The following LRBA variants were observed in gnomAD, a reference collection of about 807,000 sequenced individuals.
LRBA encodes lipopolysaccharide-responsive and beige-like anchor protein.
Under a neutral mutation model 330.0 loss-of-function variants are expected in LRBA, and 176 were observed. The ratio of observed to expected loss-of-function variants is 0.53; its 90% CI spans 0.47 to 0.60. LRBA has a LOEUF of 0.60. Among genes scored for constraint, LRBA ranks in the 20% least tolerant of loss-of-function variants. LRBA has a pLI of 0.00. For missense variants in LRBA, 3,259 were observed against 3,444.8 expected (o/e 0.95, Z 1.35); for synonymous variants, 1,230 against 1,193.0 (o/e 1.03, Z -0.64).
intron 44 of LRBA, among the ~76,000 whole-genome samples, chr4:150,461,353 A>G (rs180786435): frequency 1.3e-5 from 2 of 152,002 alleles, no homozygotes; most frequent in Admixed American, 6.6e-5. Context: ...ACACATGTAC[A>G]TACACTCAAA....
chr4:150,537,550 A>G (rs1178765356), intron 40 of LRBA, among the ~76,000 whole-genome samples: 1 of 152,226 alleles, frequency 6.6e-6, no homozygotes, highest in Non-Finnish European at 1.5e-5. Flanking sequence ...CAGACAACCC[A>G]TGGAATGGGA....
chr4:150,483,351 G>C (rs1350238038), intron 42 of LRBA, among the ~76,000 whole-genome samples: 1 of 151,826 alleles, frequency 6.6e-6, no homozygotes, highest in Non-Finnish European at 1.5e-5. Context: ...GTTTATATGA[G>C]TCTATCCTTA....
intron 30 of LRBA, among the ~76,000 whole-genome samples, chr4:150,818,516 T>C (rs1443536732): frequency 3.4e-5 from 5 of 147,074 alleles, no homozygotes; most frequent in Admixed American, 1.4e-4. Flanking sequence ...TAAGGGGGAG[T>C]AGATATGACG....
At chr4:151,010,642 A>T (rs1046595554) in intron 2 of LRBA, among the ~76,000 whole-genome samples, 7 of 151,656 alleles carry the variant, frequency 4.6e-5, no homozygotes, top group South Asian at 4.2e-4. Context: ...GCACTTTGGG[A>T]AGGCCAAGGC....
At chr4:150,985,568 G>A (rs1226027709) in intron 2 of LRBA, among the ~76,000 whole-genome samples, 1 of 150,696 alleles carries the variant, frequency 6.6e-6, no homozygotes, top group African/African-American at 2.4e-5. Context: ...GCACCATCTC[G>A]GCTCACTGCA....
intron 36 of LRBA, among the ~76,000 whole-genome samples, chr4:150,718,273 T>C (rs1350167556): frequency 6.6e-6 from 1 of 152,194 alleles, no homozygotes; most frequent in Non-Finnish European, 1.5e-5. Flanking sequence ...ATCTACACTG[T>C]CATCAATCCT....
At chr4:150,571,261 T>C (rs1229441700) in intron 40 of LRBA, among the ~76,000 whole-genome samples, 1 of 151,948 alleles carries the variant, frequency 6.6e-6, no homozygotes, top group Non-Finnish European at 1.5e-5. Context: ...ACCTATAATA[T>C]AGCTAATGAT....
chr4:150,760,069 G>A (rs1158433379), intron 35 of LRBA, among the ~76,000 whole-genome samples: 3 of 152,072 alleles, frequency 2.0e-5, no homozygotes, highest in Non-Finnish European at 4.4e-5. Context: ...TAAAAAATCT[G>A]TTCATGGGTG....
intron 22 of LRBA, among the ~76,000 whole-genome samples, chr4:150,866,972 G>A (rs186273320): frequency 2.0e-5 from 3 of 151,570 alleles, no homozygotes; most frequent in East Asian, 1.9e-4. Context: ...TGGTGTTGGG[G>A]GTCAGGCGAA....
At chr4:150,703,696 T>C (rs1785332595) in intron 36 of LRBA, among the ~76,000 whole-genome samples, 1 of 152,158 alleles carries the variant, frequency 6.6e-6, no homozygotes, top group African/African-American at 2.4e-5. Flanking sequence ...CGATTTCTCC[T>C]ACATGATTGT....
At chr4:150,781,955 G>A (rs1738297171) in intron 34 of LRBA, among the ~76,000 whole-genome samples, 1 of 151,994 alleles carries the variant, frequency 6.6e-6, no homozygotes, top group Non-Finnish European at 1.5e-5. Flanking sequence ...GTCACTCACT[G>A]AAATGCAGCG....
intron 36 of LRBA, among the ~76,000 whole-genome samples, chr4:150,732,415 A>G (rs1371842531): frequency 6.6e-6 from 1 of 152,030 alleles, no homozygotes; most frequent in Admixed American, 6.5e-5. Flanking sequence ...TGTTAACAAT[A>G]CAAAAGAACA....
At chr4:150,546,747 T>C (rs1233405786) in intron 40 of LRBA, among the ~76,000 whole-genome samples, 1 of 152,204 alleles carries the variant, frequency 6.6e-6, no homozygotes, top group Non-Finnish European at 1.5e-5. Context: ...AAAATGACGA[T>C]TAGTTGTTTC....
At chr4:150,632,518 T>C (rs1453324453) in intron 37 of LRBA, among the ~76,000 whole-genome samples, 2 of 152,134 alleles carry the variant, frequency 1.3e-5, no homozygotes, top group Non-Finnish European at 2.9e-5. Context: ...AAAAGAGAAC[T>C]AGAAGCAAAC....
intron 44 of LRBA, among the ~76,000 whole-genome samples, chr4:150,454,057 T>A (rs1369068815): frequency 1.3e-5 from 2 of 152,060 alleles, no homozygotes; most frequent in Admixed American, 1.3e-4. Context: ...AACTCCCTGG[T>A]TCAAGATATT....
chr4:150,899,357 T>A (rs1276007809), intron 14 of LRBA, among the ~76,000 whole-genome samples: 1 of 152,192 alleles, frequency 6.6e-6, no homozygotes, highest in African/African-American at 2.4e-5. Context: ...AATTGGCAAG[T>A]GCAGTGAGAC....
intron 36 of LRBA, among the ~76,000 whole-genome samples, chr4:150,702,338 G>T (rs1188526839): frequency 6.6e-6 from 1 of 152,066 alleles, no homozygotes; most frequent in Admixed American, 6.6e-5. Flanking sequence ...AATTTCACAT[G>T]CACATAGGAA....
At chr4:150,998,710 C>G (rs201495148) in intron 2 of LRBA, among the ~76,000 whole-genome samples, 1 of 152,086 alleles carries the variant, frequency 6.6e-6, no homozygotes, top group South Asian at 2.1e-4. Flanking sequence ...CATAAAATCC[C>G]CCATGAATAA....
intron 22 of LRBA, among the ~76,000 whole-genome samples, chr4:150,854,109 C>A (rs1750941930): frequency 6.6e-6 from 1 of 152,132 alleles, no homozygotes; most frequent in Admixed American, 6.5e-5. Flanking sequence ...CTTCTATCGA[C>A]ATTAACTCGC....
Sources: allele counts gnomAD v4.1 joint callset (sites outside exome capture counted in the v4.1 genomes callset), GRCh38; gene constraint gnomAD v4.1.1; transcripts MANE v1.5; gene names NCBI Gene and HGNC (gene_info 2026-07-23, HGNC 2026-07-21).